The following NXNL1 variants were observed in gnomAD, a reference collection of about 807,000 sequenced individuals.
NXNL1 encodes nucleoredoxin-like protein 1.
A neutral mutation model predicts 7.2 loss-of-function variants in NXNL1; 6 were observed. The ratio of observed to expected loss-of-function variants is 0.83; its 90% CI spans 0.46 to 1.64. NXNL1 has a LOEUF of 1.64. Among genes scored for constraint, NXNL1 ranks in the 40% most tolerant of loss-of-function variants. The probability of loss-of-function intolerance (pLI) is 0.01; values close to 1 mark genes in which losing one functional copy is unlikely to be tolerated. For synonymous variants in NXNL1, 133 were observed against 127.2 expected, an observed-to-expected ratio of 1.05 and a Z score of -0.31; for missense variants, 308 against 285.1, an observed-to-expected ratio of 1.08 and a Z score of -0.58.
Position 17,455,651 on chromosome 19 carries a change from A to T in NXNL1, c.635T>A (p.Phe212Tyr). ...CCTCTCCTCCACCCTAGCGGGTCAG[A>T]ACAGCCCCCCGGCCCCGCCCTCCTC... ...GGEEGGAGGL[F>Y] The change falls in exon 2 of 2, where the codon TTC (phenylalanine) becomes TAC (tyrosine). Residue 212 changes from phenylalanine (F) to tyrosine (Y), a missense_variant. Phe to Tyr is a conservative substitution (Grantham distance 22). Coordinates refer to ENST00000301944, the MANE Select transcript of NXNL1 (RefSeq NM_138454.2). 2 of 1,350,304 alleles carry T rather than the reference A, an allele frequency of 1.5e-6. No homozygotes were observed. Among genetic ancestry groups the T allele is most frequent in the Non-Finnish European group, 2.0e-6 (2 of 978,804 alleles). 83.6% of individuals were successfully genotyped at this position (1,350,304 alleles called of 1,614,324 possible).
chr19:17,456,893 C>G (rs956795791), intron 1 of NXNL1, among the ~76,000 whole-genome samples: 1 of 151,582 alleles, frequency 6.6e-6, no homozygotes, highest in Non-Finnish European at 1.5e-5. Context: ...CTAAAAAATA[C>G]AAAAAATTAG....
intron 1 of NXNL1, 24 bp downstream of exon 1, chr19:17,460,520 G>T (rs770260973): frequency 1.3e-6 from 2 of 1,597,900 alleles, no homozygotes; most frequent in African/African-American, 2.7e-5. Context: ...CCTCCTCCAG[G>T]AAGCCCTCCC....
In NXNL1 at chr19:17,455,663, G is replaced by GGGCC; in HGVS notation, c.622_623insGGCC (p.Ala208GlyfsTer10). On this transcript the variant is annotated frameshift_variant, in exon 2 of 2. Transcript: ENST00000301944. LOFTEE classifies it high-confidence loss of function. ...CCTAGCGGGTCAGAACAGCCCCCCGGCCCCGCCCTCCTCCCCACCCCCTCC... is the reference window on the plus strand; with the variant it reads ...CCTAGCGGGTCAGAACAGCCCCCCGGGGCCCCCCGCCCTCCTCCCCACCCCCTCC... 2.6e-5 allele frequency: 20 copies of GGGCC among 771,692 alleles called. No homozygotes were observed. The highest frequency in any genetic ancestry group is 3.2e-5 in the Non-Finnish European group (15 of 464,452). The allele number at this position is 771,692 out of a possible 1,614,324, so 47.8% of individuals were successfully genotyped here. A position where few individuals can be genotyped will look rare whatever the true frequency, so the allele number is the denominator to read the frequency against.
Position 17,455,663 on chromosome 19 carries a change from G to GGCCCCCCCCCCCCCCCCCCCCCCCCCC in NXNL1, c.622_623insGGGGGGGGGGGGGGGGGGGGGGGGGGC (p.Ala208delinsGlyGlyGlyGlyGlyGlyGlyGlyGlyPro). 30 of 771,700 alleles carry GGCCCCCCCCCCCCCCCCCCCCCCCCCC rather than the reference G, an allele frequency of 3.9e-5. No individual in the cohort carries two copies. Among genetic ancestry groups the GGCCCCCCCCCCCCCCCCCCCCCCCCCC allele is most frequent in the East Asian group, 1.7e-4 (6 of 36,240 alleles). The allele number at this position is 771,700 out of a possible 1,614,324, so 47.8% of individuals were successfully genotyped here. On this transcript the variant is annotated protein_altering_variant, in exon 2 of 2. Transcript: ENST00000301944. ...CCTAGCGGGTCAGAACAGCCCCCCG[G>GGCCCCCCCCCCCCCCCCCCCCCCCCCC]CCCCGCCCTCCTCCCCACCCCCTCC... is the stretch of plus-strand genomic sequence containing the variant.
chr19:17,457,433 G>A (rs555387342), intron 1 of NXNL1, among the ~76,000 whole-genome samples: 21 of 151,846 alleles, frequency 1.4e-4, no homozygotes, highest in African/African-American at 3.6e-4. Context: ...GTGCAGTGGC[G>A]GGAACACAGA....
intron 1 of NXNL1, among the ~76,000 whole-genome samples, chr19:17,456,485 GAC>G (rs1391317717): frequency 1.3e-5 from 2 of 151,980 alleles, no homozygotes; most frequent in African/African-American, 4.8e-5. Context: ...CAGCCTGGGT[GAC>G]ACAGCCAGAT....
In NXNL1 at chr19:17,455,812, C is replaced by G. The variant is rs369694146; in HGVS notation, c.474G>C (p.Val158=). Reference sequence around the variant, plus strand: ...CTGGCAGCTGGAAGTTGCGGTCCAGCACCTCGGCCGCCTCCTGCCAGTTGG... The same window carrying G: ...CTGGCAGCTGGAAGTTGCGGTCCAGGACCTCGGCCGCCTCCTGCCAGTTGG... ...CFANWQEAAE[V]LDRNFQLPED... is the part of the protein sequence containing the mutation. The change falls in exon 2 of 2, where the codon GTG becomes GTC. Residue 158 remains valine, a synonymous_variant. Transcript: ENST00000301944. 6 of 1,572,134 alleles carry G rather than the reference C, an allele frequency of 3.8e-6. No homozygotes were observed. The highest frequency in any genetic ancestry group is 5.2e-6 in the Non-Finnish European group (6 of 1,164,442).
At chr19:17,457,532 T>A (rs1484062071) in intron 1 of NXNL1, among the ~76,000 whole-genome samples, 1 of 151,694 alleles carries the variant, frequency 6.6e-6, no homozygotes, top group Admixed American at 6.6e-5. Context: ...CCACCACACC[T>A]AATTTTTTTT....
intron 1 of NXNL1, among the ~76,000 whole-genome samples, chr19:17,457,392 G>A (rs1367827881): frequency 6.6e-6 from 1 of 151,458 alleles, no homozygotes; most frequent in Non-Finnish European, 1.5e-5. Context: ...TTTTTTTAGA[G>A]ACAGAGCCTC....
rs749221606 is a variant in NXNL1, at chr19:17,455,774, T to C, written c.512A>G (p.Asp171Gly). 15 of 1,526,402 alleles carry C rather than the reference T, an allele frequency of 9.8e-6. No homozygotes were observed. In the East Asian group the frequency reaches 3.6e-4, roughly 36 times the overall value. 94.6% of individuals were successfully genotyped at this position (1,526,402 alleles called of 1,614,324 possible). ...CTCGGTGAGGCTCCGTGGCTCCTGG[T>C]CCTCCAGGTCCTCTGGCAGCTGGAA... is the stretch of plus-strand genomic sequence containing the variant. ...RNFQLPEDLE[D>G]QEPRSLTECL... The change falls in exon 2 of 2, where the codon GAC becomes GGC. Residue 171 changes from aspartate to glycine, a missense_variant. Asp to Gly is a moderately conservative substitution (Grantham distance 94). Transcript: ENST00000301944.
At chr19:17,457,840 C>T (rs1002224830) in intron 1 of NXNL1, among the ~76,000 whole-genome samples, 3 of 152,222 alleles carry the variant, frequency 2.0e-5, no homozygotes, top group African/African-American at 4.8e-5. Context: ...GCGTTGCTAG[C>T]GTCAGGGAGG....
At position 17,455,770 on chromosome 19, in the gene NXNL1, C is replaced by T. The variant is rs924254480; in HGVS notation, c.516G>A (p.Gln172=). Residue 172 remains glutamine (Q), a synonymous_variant, in exon 2 of 2, where the codon CAG becomes CAA. Coordinates refer to ENST00000301944, the MANE Select transcript of NXNL1 (RefSeq NM_138454.2). ...NFQLPEDLED[Q]EPRSLTECLR... is the part of the protein sequence containing the mutation. Reference sequence around the variant, plus strand: ...GGCACTCGGTGAGGCTCCGTGGCTCCTGGTCCTCCAGGTCCTCTGGCAGCT... The same window carrying T: ...GGCACTCGGTGAGGCTCCGTGGCTCTTGGTCCTCCAGGTCCTCTGGCAGCT... 2.0e-5 allele frequency: 31 copies of T among 1,545,736 alleles called. No homozygotes were observed. The highest frequency in any genetic ancestry group is 2.4e-5 in the Non-Finnish European group (28 of 1,150,794).
At chr19:17,456,129 C>T (rs2144514687) in intron 1 of NXNL1, among the ~76,000 whole-genome samples, 170 bp from the exon 2 acceptor site, 1 of 152,138 alleles carries the variant, frequency 6.6e-6, no homozygotes, top group East Asian at 1.9e-4. Context: ...ACTTTGGTCC[C>T]CGCGCTTTGT....
At chr19:17,458,361 C>T (rs2075000820) in intron 1 of NXNL1, among the ~76,000 whole-genome samples, 2 of 151,108 alleles carry the variant, frequency 1.3e-5, no homozygotes, top group African/African-American at 4.9e-5. Flanking sequence ...GCTGGGACTA[C>T]AGGCGCCCGC....
chr19:17,460,167 C>T (rs1254181048), intron 1 of NXNL1, among the ~76,000 whole-genome samples: 1 of 150,862 alleles, frequency 6.6e-6, no homozygotes, highest in Non-Finnish European at 1.5e-5. Flanking sequence ...CCCACCACCA[C>T]GCCTGGATAA....
rs536510236 is a variant in NXNL1 at position 17,460,499 on chromosome 19, C to T, written c.326+45G>A. 1.4e-4 allele frequency: 222 copies of T among 1,581,868 alleles called. 1 individual carries two copies. The South Asian group carries it at 2.3e-3, about 16-fold the overall frequency. On this transcript the variant is annotated intron_variant, in intron 1 of 1. Transcript: ENST00000301944. ...GTTAGAATGGATGCTTCACTTTCAG[C>T]GAACATGCCCCCTCCTCCAGGAAGC...
intron 1 of NXNL1, among the ~76,000 whole-genome samples, chr19:17,457,721 G>A (rs866431086): frequency 1.3e-4 from 20 of 152,164 alleles, no homozygotes; most frequent in Admixed American, 2.6e-4. Flanking sequence ...TGTGGAATGG[G>A]AACTGCCCAG....
intron 1 of NXNL1, among the ~76,000 whole-genome samples, chr19:17,457,994 C>T (rs2074998998): frequency 6.6e-6 from 1 of 152,110 alleles, no homozygotes; most frequent in Non-Finnish European, 1.5e-5. Context: ...GTCTGCAACT[C>T]ACTTTCAAAT....
Position 17,455,672 on chromosome 19 carries a change from T to G in NXNL1, c.614A>C (p.Glu205Ala). The part of the protein sequence containing the change: ...GRDPGGGGGE[E>A]GGAGGLF ...TCAGAACAGCCCCCCGGCCCCGCCC[T>G]CCTCCCCACCCCCTCCCCCGGGGTC... The change falls in exon 2 of 2, where the codon GAG becomes GCG. Residue 205 changes from glutamate (E) to alanine (A), a missense_variant. By Grantham distance (107) the Glu-to-Ala change is moderately radical. Transcript: ENST00000301944. 16 of 419,160 alleles carry G rather than the reference T, an allele frequency of 3.8e-5. No homozygotes were observed. Among genetic ancestry groups the G allele is most frequent in the Non-Finnish European group, 5.0e-5 (15 of 297,106 alleles). 26.0% of individuals were successfully genotyped at this position (419,160 alleles called of 1,614,324 possible).
Sources: gnomAD v4.1 joint callset for allele counts (sites outside exome capture counted in the v4.1 genomes callset) on GRCh38, gnomAD v4.1.1 for gene constraint, MANE v1.5 for transcripts, NCBI Gene and HGNC (gene_info 2026-07-23, HGNC 2026-07-21) for gene names.